Variants in SH3RF2 observed in about 807,000 individuals in gnomAD.
SH3RF2 encodes E3 ubiquitin-protein ligase SH3RF2.
SH3RF2 carries 43 observed loss-of-function variants against 59.0 expected under a neutral mutation model. That is an observed-to-expected ratio of 0.73 (90% CI 0.57 to 0.94). SH3RF2 has a LOEUF of 0.94. Ranked by LOEUF, SH3RF2 falls within the 40% of genes least tolerant of loss-of-function variation. The pLI is 0.00. For synonymous variants in SH3RF2, 391 were observed against 391.5 expected (o/e 1.00, Z 0.01); for missense variants, 930 against 940.1 (o/e 0.99, Z 0.14).
At chr5:145,937,413 A>AAGG (rs1757630006) in intron 1 of SH3RF2, among the ~76,000 whole-genome samples, 1 of 152,082 alleles carries the variant, frequency 6.6e-6, no homozygotes, top group Admixed American at 6.5e-5. Context: ...GATTTAGGGG[A>AAGG]AGGAGGAGGA....
chr5:146,018,149 G>A (rs1761175893), intron 5 of SH3RF2, among the ~76,000 whole-genome samples: 1 of 151,984 alleles, frequency 6.6e-6, no homozygotes, highest in African/African-American at 2.4e-5. Flanking sequence ...TGGTTACATG[G>A]ATGAATTGTA....
At chr5:146,043,459 G>A (rs138129257) in intron 5 of SH3RF2, among the ~76,000 whole-genome samples, 8 of 152,184 alleles carry the variant, frequency 5.3e-5, no homozygotes, top group African/African-American at 1.2e-4. Flanking sequence ...ATGTATTCAC[G>A]TTTTTTAACA....
At position 146,056,100 on chromosome 5, in the gene SH3RF2, CCTTCAAATCCGT is replaced by C. The variant is rs1471335687; in HGVS notation, c.1446_1457del (p.Lys483_Phe486del). The C allele has an allele frequency of 6.2e-7, 1 of 1,614,116 alleles. No homozygotes were observed. Among genetic ancestry groups the C allele is most frequent in the African/African-American group, 1.3e-5 (1 of 74,934 alleles). Reference sequence around the variant, plus strand: ...GAAGGTGATCCACGGCAAAGCCGTCCCTTCAAATCCGTCTTTGTGCCCACTGCCATAGTCAAC... The same window carrying C: ...GAAGGTGATCCACGGCAAAGCCGTCCCTTTGTGCCCACTGCCATAGTCAAC... On this transcript the variant is annotated inframe_deletion, in exon 8 of 10. Coordinates refer to ENST00000359120, the MANE Select transcript of SH3RF2 (RefSeq NM_152550.4).
chr5:146,064,658 G>A (rs1468621466), downstream of SH3RF2, among the ~76,000 whole-genome samples: 3 of 25,294 alleles, frequency 1.2e-4, no homozygotes, highest in East Asian at 1.4e-3. Context: ...AAGAGAGAGA[G>A]AGAAAGAGAA....
At chr5:146,022,874 AACACACAC>A (rs57377156) in intron 5 of SH3RF2, among the ~76,000 whole-genome samples, 37,421 of 141,614 alleles carry the variant, frequency 0.26, 5,921 homozygotes, top group Non-Finnish European at 0.36. Flanking sequence ...GCTCCATCTA[AACACACAC>A]ACACACACAC....
intron 5 of SH3RF2, among the ~76,000 whole-genome samples, chr5:146,024,837 T>A (rs944929313): frequency 1.3e-5 from 2 of 152,184 alleles, no homozygotes; most frequent in Admixed American, 1.3e-4. Flanking sequence ...ATATTTACAC[T>A]CATGTTAAAA....
intron 9 of SH3RF2, among the ~76,000 whole-genome samples, chr5:146,060,980 C>A (rs140352596): frequency 6.6e-6 from 1 of 152,194 alleles, no homozygotes; most frequent in Non-Finnish European, 1.5e-5. Flanking sequence ...AATTTATGAA[C>A]ATCACCATCA....
intron 2 of SH3RF2, among the ~76,000 whole-genome samples, chr5:145,945,745 C>A (rs903737802): frequency 6.6e-6 from 1 of 152,080 alleles, no homozygotes; most frequent in Non-Finnish European, 1.5e-5. Context: ...CTAGATACCA[C>A]CAGGAAGACG....
chr5:145,968,046 GATATTTGCCTATGT>G (rs56781636), intron 2 of SH3RF2, among the ~76,000 whole-genome samples: 11,774 of 152,046 alleles, frequency 0.077, 1,530 homozygotes, highest in African/African-American at 0.27. Context: ...AAACTGTATG[GATATTTGCCTATGT>G]ATATTTGCCT....
At chr5:146,062,294 A>C in intron 9 of SH3RF2, 132 bp from the exon 10 acceptor site, 1 of 1,150,308 alleles carries the variant, frequency 8.7e-7, no homozygotes, top group South Asian at 1.5e-5. Context: ...CCATCTTAGC[A>C]CTTGACACTC....
chr5:146,037,497 G>T (rs904618101), intron 5 of SH3RF2, among the ~76,000 whole-genome samples: 1 of 152,148 alleles, frequency 6.6e-6, no homozygotes, highest in Non-Finnish European at 1.5e-5. Flanking sequence ...ATTGGCTGGG[G>T]TTTTCCAAGG....
rs1762951675 is a variant in SH3RF2 at position 146,062,834 on chromosome 5, A to G, written c.*133A>G. The G allele has an allele frequency of 1.5e-6, 2 of 1,295,352 alleles. No individual in the cohort carries two copies. Among genetic ancestry groups the G allele is most frequent in the South Asian group, 3.1e-5 (2 of 64,758 alleles). The allele number at this position is 1,295,352 out of a possible 1,614,324, so 80.2% of individuals were successfully genotyped here. A position where few individuals can be genotyped will look rare whatever the true frequency, so the allele number is the denominator to read the frequency against. ...TTGTTCTTCCTATTTCACCTCCAGG[A>G]AAGCAAAAGTGGGAGCAGAAATTCC... On this transcript the variant is annotated 3_prime_UTR_variant, in exon 10 of 10. Coordinates refer to ENST00000359120, the MANE Select transcript of SH3RF2 (RefSeq NM_152550.4).
chr5:145,956,612 G>A (rs1758417747), intron 2 of SH3RF2, among the ~76,000 whole-genome samples: 1 of 152,054 alleles, frequency 6.6e-6, no homozygotes, highest in South Asian at 2.1e-4. Context: ...TTTCTAGGTA[G>A]AGGGGAAGAA....
intron 5 of SH3RF2, among the ~76,000 whole-genome samples, chr5:146,045,916 G>A (rs781439964): frequency 3.3e-5 from 5 of 152,178 alleles, no homozygotes; most frequent in Non-Finnish European, 2.9e-5. Flanking sequence ...GTTCTGCATA[G>A]AGGCTGTACC....
chr5:145,990,808 A>G (rs953442199), intron 2 of SH3RF2, among the ~76,000 whole-genome samples: 6 of 152,214 alleles, frequency 3.9e-5, no homozygotes, highest in African/African-American at 1.4e-4. Context: ...AGATCTCCAC[A>G]CAAACTTTAT....
chr5:146,004,260 A>G lies in SH3RF2; in HGVS notation c.744+107A>G, dbSNP rs1760542941. 3 of 786,918 alleles carry G rather than the reference A, an allele frequency of 3.8e-6. No individual in the cohort carries two copies. The East Asian group carries it at 9.5e-5, about 25-fold the overall frequency. 48.7% of individuals were successfully genotyped at this position (786,918 alleles called of 1,614,324 possible). A position where few individuals can be genotyped will look rare whatever the true frequency, so the allele number is the denominator to read the frequency against. Reference sequence around the variant, plus strand: ...TATTTGCTATGAGGCTTATTTCAGAACTAACTAAAATCTCTAAAGAAAAGA... The same window carrying G: ...TATTTGCTATGAGGCTTATTTCAGAGCTAACTAAAATCTCTAAAGAAAAGA... On this transcript the variant is annotated intron_variant, in intron 4 of 9. Coordinates refer to ENST00000359120, the MANE Select transcript of SH3RF2 (RefSeq NM_152550.4).
In SH3RF2 at chr5:146,000,295, A is replaced by G; in HGVS notation, c.616A>G (p.Ser206Gly). The G allele has an allele frequency of 6.2e-7, 1 of 1,613,632 alleles. No individual in the cohort carries two copies. The highest frequency in any genetic ancestry group is 8.5e-7 in the Non-Finnish European group (1 of 1,179,846). The change falls in exon 3 of 10, where the codon AGT becomes GGT. Residue 206 changes from serine to glycine, a missense_variant. Transcript: ENST00000359120. ...CTTCGACCTACGAGGCAAGGACAAG[A>G]GTGAGAACCAGGATTGCCTGACCTT... is the stretch of plus-strand genomic sequence containing the variant. The part of the protein sequence containing the change: ...YNFDLRGKDK[S>G]ENQDCLTFLK...
Position 146,047,820 on chromosome 5 carries a change from G to A in SH3RF2, c.1108G>A (p.Val370Met), listed in dbSNP as rs373483176. The A allele has an allele frequency of 2.1e-5, 34 of 1,613,960 alleles. No homozygotes were observed. The highest frequency in any genetic ancestry group is 9.3e-5 in the African/African-American group (7 of 74,904). Residue 370 changes from valine to methionine, a missense_variant, in exon 6 of 10, where the codon GTG becomes ATG. By Grantham distance (21) the Val-to-Met change is conservative (BLOSUM62 1). Coordinates refer to ENST00000359120, the MANE Select transcript of SH3RF2 (RefSeq NM_152550.4). The part of the protein sequence containing the change: ...APVSPGHSTA[V>M]VSLPGSQQHL... ...TGTCTCTCCAGGACATTCCACAGCC[G>A]TGGTCAGTCTGCCTGGCTCCCAGCA...
intron 5 of SH3RF2, among the ~76,000 whole-genome samples, chr5:146,026,471 T>C (rs1761533719): frequency 6.6e-6 from 1 of 152,220 alleles, no homozygotes; most frequent in Non-Finnish European, 1.5e-5. Flanking sequence ...GAGTATTATG[T>C]GCGTTAATTG....
Sources: allele counts gnomAD v4.1 joint callset (sites outside exome capture counted in the v4.1 genomes callset), GRCh38; gene constraint gnomAD v4.1.1; transcripts MANE v1.5; gene names NCBI Gene and HGNC (gene_info 2026-07-23, HGNC 2026-07-21).